The following GTF2F2 variants were observed in gnomAD, a reference collection of about 807,000 sequenced individuals.
GTF2F2 encodes the protein ATP-dependent helicase GTF2F2.
In GTF2F2, 23 loss-of-function variants were observed where a neutral mutation model predicts 42.2. The observed-to-expected ratio is 0.55, with a 90% CI of 0.39 to 0.77. The LOEUF (loss-of-function observed/expected upper bound fraction) is 0.77. Among genes scored for constraint, GTF2F2 ranks in the 30% least tolerant of loss-of-function variants. The pLI is 0.00. For synonymous variants in GTF2F2, 105 were observed against 100.8 expected (o/e 1.04, Z -0.25); for missense variants, 261 against 287.2 (o/e 0.91, Z 0.66).
At chr13:45,154,132 A>G (rs1870638997) in intron 4 of GTF2F2, among the ~76,000 whole-genome samples, 2 of 152,146 alleles carry the variant, frequency 1.3e-5, no homozygotes, top group East Asian at 3.8e-4. Flanking sequence ...GCACCAAGAC[A>G]GTAAAAAGGA....
At chr13:45,220,520 T>G (rs145469434) in intron 5 of GTF2F2, among the ~76,000 whole-genome samples, 1 of 152,122 alleles carries the variant, frequency 6.6e-6, no homozygotes, top group African/African-American at 2.4e-5. Flanking sequence ...TACTACCATA[T>G]AAGTATCAGT....
At chr13:45,203,424 A>G (rs1268689986) in intron 4 of GTF2F2, among the ~76,000 whole-genome samples, 1 of 152,010 alleles carries the variant, frequency 6.6e-6, no homozygotes, top group African/African-American at 2.4e-5. Context: ...GTTTCTTTGA[A>G]AAGGAGCAAG....
At chr13:45,167,080 T>C (rs1239958424) in intron 4 of GTF2F2, among the ~76,000 whole-genome samples, 1 of 151,458 alleles carries the variant, frequency 6.6e-6, no homozygotes, top group East Asian at 1.9e-4. Context: ...TAAAAAGAAA[T>C]GCAGTTGAAG....
intron 1 of GTF2F2, among the ~76,000 whole-genome samples, chr13:45,126,405 C>T (rs1477754500): frequency 6.6e-6 from 1 of 152,032 alleles, no homozygotes; most frequent in Non-Finnish European, 1.5e-5. Context: ...GCGTGCACCA[C>T]GACTCCTGGC....
chr13:45,159,161 A>G lies in GTF2F2; in HGVS notation c.304+7330A>G, dbSNP rs145043560. Reference sequence around the variant, plus strand: ...CCCAGATAAAGTAGCAGCTGAGTTCACTGATGGTAGGTATTTACTTTCAAG... The same window carrying G: ...CCCAGATAAAGTAGCAGCTGAGTTCGCTGATGGTAGGTATTTACTTTCAAG... On this transcript the variant is annotated intron_variant, in intron 4 of 7. Coordinates refer to ENST00000340473, the MANE Select transcript of GTF2F2 (RefSeq NM_004128.3). 7.6e-3 allele frequency among the ~76,000 whole-genome samples: 1,155 copies of G among 152,330 alleles called. 18 individuals are homozygous for G. Among genetic ancestry groups the G allele is most frequent in the African/African-American group, 0.026 (1,092 of 41,570 alleles).
At chr13:45,165,350 C>T (rs1360755185) in intron 4 of GTF2F2, among the ~76,000 whole-genome samples, 1 of 140,860 alleles carries the variant, frequency 7.1e-6, no homozygotes, top group African/African-American at 2.7e-5. Context: ...TTCTTTGAGA[C>T]AAAGTCTTGC....
chr13:45,282,929 T>A (rs960486711), intron 7 of GTF2F2, among the ~76,000 whole-genome samples: 17 of 152,194 alleles, frequency 1.1e-4, no homozygotes, highest in African/African-American at 4.1e-4. Flanking sequence ...TAAAAACAAA[T>A]TTGAGAACTC....
intron 1 of GTF2F2, among the ~76,000 whole-genome samples, chr13:45,122,898 A>G (rs1370328443): frequency 6.6e-6 from 1 of 152,182 alleles, no homozygotes; most frequent in Non-Finnish European, 1.5e-5. Context: ...TAAATACAGT[A>G]AGAACTATAC....
At chr13:45,146,227 G>A (rs1011704402) in intron 2 of GTF2F2, among the ~76,000 whole-genome samples, 3 of 152,150 alleles carry the variant, frequency 2.0e-5, no homozygotes. Flanking sequence ...CTGGTGCGGT[G>A]GCTTATATCT....
intron 4 of GTF2F2, among the ~76,000 whole-genome samples, chr13:45,191,912 T>G (rs77612217): frequency 0.029 from 4,349 of 152,264 alleles, 189 homozygotes; most frequent in African/African-American, 0.093. Flanking sequence ...CTTGTAATGC[T>G]TCTAAGGAGA....
At chr13:45,243,734 C>A (rs1215059962) in intron 5 of GTF2F2, among the ~76,000 whole-genome samples, 1 of 152,170 alleles carries the variant, frequency 6.6e-6, no homozygotes, top group Non-Finnish European at 1.5e-5. Context: ...AATCTTGGCT[C>A]ACTGCAGCCT....
intron 5 of GTF2F2, among the ~76,000 whole-genome samples, chr13:45,232,259 C>T (rs9534069): frequency 0.33 from 49,593 of 151,950 alleles, 10,311 homozygotes; most frequent in African/African-American, 0.59. Flanking sequence ...GATTTCTTAA[C>T]CATCTTGGGT....
intron 1 of GTF2F2, among the ~76,000 whole-genome samples, chr13:45,121,856 A>G (rs1377195900): frequency 1.3e-5 from 2 of 152,224 alleles, no homozygotes; most frequent in African/African-American, 4.8e-5. Context: ...AGGATGGATT[A>G]AATAGGCATT....
chr13:45,145,628 C>T (rs147248184), intron 2 of GTF2F2, among the ~76,000 whole-genome samples: 121 of 152,282 alleles, frequency 7.9e-4, no homozygotes, highest in Admixed American at 1.5e-3. Context: ...TACTTTGTTC[C>T]AGTTTTCTTC....
chr13:45,175,128 C>G (rs1871810307), intron 4 of GTF2F2, among the ~76,000 whole-genome samples: 4 of 152,192 alleles, frequency 2.6e-5, no homozygotes, highest in Admixed American at 1.3e-4. Flanking sequence ...CTCTAGTAAT[C>G]ACTATTCTAT....
At chr13:45,166,464 A>G (rs951629811) in intron 4 of GTF2F2, among the ~76,000 whole-genome samples, 1 of 152,236 alleles carries the variant, frequency 6.6e-6, no homozygotes, top group Non-Finnish European at 1.5e-5. Flanking sequence ...AAATGACAGA[A>G]TAGAAAATTA....
At chr13:45,187,329 CTG>C (rs1262608495) in intron 4 of GTF2F2, among the ~76,000 whole-genome samples, 1 of 152,014 alleles carries the variant, frequency 6.6e-6, no homozygotes, top group Non-Finnish European at 1.5e-5. Flanking sequence ...TCTAAAATAA[CTG>C]GTGGTTGAAA....
intron 1 of GTF2F2, among the ~76,000 whole-genome samples, chr13:45,128,622 C>T (rs901642518): frequency 2.6e-5 from 4 of 151,622 alleles, no homozygotes; most frequent in Non-Finnish European, 5.9e-5. Context: ...GAAAGAGTCT[C>T]GCTCTGTCAC....
intron 4 of GTF2F2, among the ~76,000 whole-genome samples, chr13:45,177,121 G>A (rs1453219871): frequency 6.6e-6 from 1 of 151,954 alleles, no homozygotes; most frequent in Non-Finnish European, 1.5e-5. Context: ...TGTGAGATAG[G>A]GGTCAAATTG....
Sources: allele counts gnomAD v4.1 joint callset (sites outside exome capture counted in the v4.1 genomes callset), GRCh38; gene constraint gnomAD v4.1.1; transcripts MANE v1.5; gene names NCBI Gene and HGNC (gene_info 2026-07-23, HGNC 2026-07-21).